FBXO34: variants seen among roughly 807,000 people sequenced by gnomAD.
FBXO34 encodes F-box only protein 34.
In FBXO34, 12 loss-of-function variants were observed where a neutral mutation model predicts 24.5. That is an observed-to-expected ratio of 0.49 (90% CI 0.31 to 0.79). The LOEUF (loss-of-function observed/expected upper bound fraction) is 0.79. Among genes scored for constraint, FBXO34 ranks in the 30% least tolerant of loss-of-function variants. The pLI is 0.04. For synonymous variants in FBXO34, 320 were observed against 311.9 expected, an observed-to-expected ratio of 1.03 and a Z score of -0.27; for missense variants, 823 against 857.7, an observed-to-expected ratio of 0.96 and a Z score of 0.51.
intron 1 of FBXO34, among the ~76,000 whole-genome samples, chr14:55,273,336 T>C (rs562900127): frequency 1.3e-5 from 2 of 152,302 alleles, no homozygotes; most frequent in East Asian, 3.9e-4. Flanking sequence ...TTAGGTACTA[T>C]TGGATTTGAC....
intron 1 of FBXO34, among the ~76,000 whole-genome samples, chr14:55,287,155 C>T (rs1881790975): frequency 6.6e-6 from 1 of 152,186 alleles, no homozygotes; most frequent in African/African-American, 2.4e-5. Context: ...ATCCATCTGC[C>T]TTGGCCTCCC....
In FBXO34 at chr14:55,352,201, A is replaced by G; in HGVS notation, c.1811A>G (p.Tyr604Cys). Residue 604 changes from tyrosine (Y) to cysteine (C), a missense_variant, in exon 2 of 2, where the codon TAT (tyrosine) becomes TGT (cysteine). Coordinates refer to ENST00000313833, the MANE Select transcript of FBXO34 (RefSeq NM_017943.4). Reference sequence around the variant, plus strand: ...GTGGCCCTTAAATGTACCTGCTGCTATTTCAAGTTTATCATTGAGTACTAC... The same window carrying G: ...GTGGCCCTTAAATGTACCTGCTGCTGTTTCAAGTTTATCATTGAGTACTAC... ...SLVALKCTCCYFKFIIEYYNI... is the reference protein window; with the variant it reads ...SLVALKCTCCCFKFIIEYYNI... The G allele has an allele frequency of 1.2e-6, 2 of 1,614,086 alleles. No homozygotes were observed. The highest frequency in any genetic ancestry group is 1.7e-6 in the Non-Finnish European group (2 of 1,180,010).
downstream of FBXO34, among the ~76,000 whole-genome samples, chr14:55,364,399 G>T (rs1266525537): frequency 6.6e-6 from 1 of 152,100 alleles, no homozygotes; most frequent in Non-Finnish European, 1.5e-5. Flanking sequence ...TTTCTTGGAG[G>T]AAAGATTGTC....
At chr14:55,391,795 G>A in the FBXO34 span, among the ~76,000 whole-genome samples, 1 of 152,136 alleles carries the variant, frequency 6.6e-6, no homozygotes, top group Non-Finnish European at 1.5e-5. Context: ...TCTAGTTCTG[G>A]TTACTGAGGA....
the FBXO34 span, among the ~76,000 whole-genome samples, chr14:55,387,099 G>T: frequency 6.6e-6 from 1 of 151,854 alleles, no homozygotes; most frequent in African/African-American, 2.4e-5. Context: ...TCTCCAACAC[G>T]GCTCGACTCC....
chr14:55,323,225 A>AATTTT (rs1594751469), intron 1 of FBXO34, among the ~76,000 whole-genome samples: 1 of 19,204 alleles, frequency 5.2e-5, no homozygotes, highest in Non-Finnish European at 7.0e-5. Context: ...AAAAATATAT[A>AATTTT]TTTTTTTTTT....
chr14:55,278,752 A>G (rs1881429468), intron 1 of FBXO34, among the ~76,000 whole-genome samples: 2 of 152,238 alleles, frequency 1.3e-5, no homozygotes, highest in Admixed American at 1.3e-4. Flanking sequence ...CAGTGGTGCT[A>G]ACAAGGCTCA....
rs1015453199 is a variant in FBXO34 at position 55,308,013 on chromosome 14, C to A, written c.-11+36476C>A. On this transcript the variant is annotated intron_variant, in intron 1 of 1. Transcript: ENST00000313833. ...CAGGTTTCTCCCATACTGTTCTCCT[C>A]GTGGTAATAAGTCTCACGAGATCCG... 3.3e-5 allele frequency among the ~76,000 whole-genome samples: 5 copies of A among 152,128 alleles called. No individual in the cohort carries two copies. In the South Asian group the frequency reaches 6.2e-4, roughly 19 times the overall value.
At chr14:55,316,737 AG>A (rs1566552552) in intron 1 of FBXO34, among the ~76,000 whole-genome samples, 1 of 151,236 alleles carries the variant, frequency 6.6e-6, no homozygotes, top group East Asian at 1.9e-4. Flanking sequence ...AAAAAAAAAA[AG>A]CCATAAAAGA....
chr14:55,282,294 A>G (rs970580758), intron 1 of FBXO34: 2 of 437,342 alleles, frequency 4.6e-6, no homozygotes, highest in Non-Finnish European at 9.3e-6. Flanking sequence ...CGCCCCGCCA[A>G]ATTTAGCTTT....
chr14:55,375,081 T>TAA, the FBXO34 span, among the ~76,000 whole-genome samples: 19 of 152,356 alleles, frequency 1.2e-4, no homozygotes, highest in African/African-American at 4.3e-4. Context: ...TGGAAAATCA[T>TAA]AAGGGTTTTC....
chr14:55,361,615 A>G (rs745489271), intron 3 of FBXO34: 13 of 152,230 alleles, frequency 8.5e-5, no homozygotes, highest in African/African-American at 2.9e-4. Context: ...TCTTCTTCCA[A>G]TAGGATGCTG....
chr14:55,397,368 T>G, the FBXO34 span: 2 of 1,612,388 alleles, frequency 1.2e-6, no homozygotes, highest in Non-Finnish European at 8.5e-7. Flanking sequence ...AACAAAACAC[T>G]CACTCTTTCT....
At chr14:55,382,117 C>T in the FBXO34 span, 10 of 1,613,916 alleles carry the variant, frequency 6.2e-6, no homozygotes, top group South Asian at 3.3e-5. Flanking sequence ...AGTTGTCCTC[C>T]GGGCTTCAGC....
the FBXO34 span, among the ~76,000 whole-genome samples, chr14:55,408,448 G>A: frequency 6.6e-6 from 1 of 151,926 alleles, no homozygotes; most frequent in African/African-American, 2.4e-5. Context: ...GTGAGACCCT[G>A]TCCCCTCCCC....
At chr14:55,432,810 C>T in the FBXO34 span, among the ~76,000 whole-genome samples, 1 of 152,222 alleles carries the variant, frequency 6.6e-6, no homozygotes, top group African/African-American at 2.4e-5. Context: ...GGCTCTGCCA[C>T]TACAGAGTTA....
At chr14:55,381,641 C>A in the FBXO34 span, among the ~76,000 whole-genome samples, 2 of 152,170 alleles carry the variant, frequency 1.3e-5, no homozygotes, top group African/African-American at 4.8e-5. Flanking sequence ...TGAAAGAAGT[C>A]TGACACAAAA....
intron 1 of FBXO34, among the ~76,000 whole-genome samples, chr14:55,341,549 TAAAATATGCAAGAGA>T (rs1883992183): frequency 6.6e-6 from 1 of 152,152 alleles, no homozygotes; most frequent in African/African-American, 2.4e-5. Flanking sequence ...TTAGAATAGG[TAAAATATGCAAGAGA>T]GTTGTTAATA....
downstream of FBXO34, among the ~76,000 whole-genome samples, chr14:55,363,051 T>G (rs1319905444): frequency 6.7e-6 from 1 of 148,830 alleles, no homozygotes; most frequent in Non-Finnish European, 1.5e-5. Context: ...AGACGGAGTT[T>G]CGCTCTTGTT....
Sources: gnomAD v4.1 joint callset for allele counts (sites outside exome capture counted in the v4.1 genomes callset) on GRCh38, gnomAD v4.1.1 for gene constraint, MANE v1.5 for transcripts, NCBI Gene and HGNC (gene_info 2026-07-23, HGNC 2026-07-21) for gene names.